CDCP2: variants seen among roughly 807,000 people sequenced by gnomAD.
The protein encoded by CDCP2 is CUB domain-containing protein 2.
Under a neutral mutation model 31.0 loss-of-function variants are expected in CDCP2, and 31 were observed. The observed-to-expected ratio is 1.00, with a 90% CI of 0.75 to 1.35. CDCP2 has a LOEUF of 1.35. Among genes scored for constraint, CDCP2 ranks in the 40% most tolerant of loss-of-function variants. The probability of loss-of-function intolerance (pLI) is 0.00; values close to 1 mark genes in which losing one functional copy is unlikely to be tolerated. For missense variants in CDCP2, 443 were observed against 482.6 expected (o/e 0.92, Z 0.77); for synonymous variants, 206 against 207.9 (o/e 0.99, Z 0.08).
Position 54,146,391 on chromosome 1 carries a change from G to A in CDCP2, c.80-1578C>T, listed in dbSNP as rs12564898. Among the ~76,000 whole-genome samples, 6 of 151,828 alleles carry A rather than the reference G, an allele frequency of 4.0e-5. No homozygotes were observed. In the East Asian group the frequency reaches 1.2e-3, roughly 29 times the overall value. ...GACAGGGTTTCACCATTTTGGGCAG[G>A]CTGGTCTCGAACTCCTGACCTCAAG... is the stretch of plus-strand genomic sequence containing the variant. On this transcript the variant is annotated intron_variant, in intron 1 of 5. Coordinates refer to ENST00000530059, the Ensembl canonical transcript of CDCP2.
At chr1:54,135,981 G>A (rs184433398) in intron 5 of CDCP2, among the ~76,000 whole-genome samples, 25 of 152,260 alleles carry the variant, frequency 1.6e-4, no homozygotes, top group African/African-American at 6.0e-4. Context: ...AAATATCCAG[G>A]GTGCTTGAGC....
rs144493402 is a variant in CDCP2 at position 54,141,223 on chromosome 1, C to T, written c.638G>A (p.Arg213His). 2.5e-4 allele frequency: 396 copies of T among 1,613,180 alleles called. 1 individual carries two copies. The African/African-American group carries it at 4.0e-3, about 16-fold the overall frequency. Residue 213 changes from arginine to histidine, a missense_variant, in exon 3 of 6, where the codon CGT becomes CAT. Transcript: ENST00000530059. ...GGTGCTGCCACAGTAGTGGTGCCCA[C>T]GGGTGGGGCCAGGCCCCCCAAGCAC...
rs183911841 is a variant in CDCP2, at chr1:54,133,624, C to T, written c.1297-330G>A. Among the ~76,000 whole-genome samples, 1,108 of 152,272 alleles carry T rather than the reference C, an allele frequency of 7.3e-3. 12 individuals carry two copies. The highest frequency in any genetic ancestry group is 0.022 in the African/African-American group (895 of 41,538). On this transcript the variant is annotated intron_variant, in intron 5 of 5. Transcript: ENST00000530059. ...ACTAAAACCCCCATGTGGCCGGGTGCGGTGGCTCACGCCTGTAATCCCAGC... is the reference window on the plus strand; with the variant it reads ...ACTAAAACCCCCATGTGGCCGGGTGTGGTGGCTCACGCCTGTAATCCCAGC...
chr1:54,141,308 G>C, exon 3 of CDCP2: 1 of 1,614,250 alleles, frequency 6.2e-7, no homozygotes, highest in South Asian at 1.1e-5. Flanking sequence ...ACGAACACCA[G>C]CTTGACGTGG....
At chr1:54,151,352 T>C (rs1052503946) in intron 1 of CDCP2, among the ~76,000 whole-genome samples, 6 of 152,224 alleles carry the variant, frequency 3.9e-5, no homozygotes, top group African/African-American at 1.4e-4. Flanking sequence ...ATCTAATTCA[T>C]GCCTTTATGG....
chr1:54,133,678 T>A (rs190276452), intron 5 of CDCP2, among the ~76,000 whole-genome samples: 1 of 152,092 alleles, frequency 6.6e-6, no homozygotes, highest in Non-Finnish European at 1.5e-5. Flanking sequence ...GGGCGGATCA[T>A]GAGGTCAGGA....
chr1:54,142,832 C>A (rs1160984448), intron 2 of CDCP2: 2 of 152,302 alleles, frequency 1.3e-5, no homozygotes, highest in South Asian at 4.1e-4. Context: ...CCCAGCAGCC[C>A]CCTGGAGCAC....
intron 5 of CDCP2, among the ~76,000 whole-genome samples, chr1:54,136,069 C>A (rs1157603180): frequency 6.6e-6 from 1 of 152,172 alleles, no homozygotes; most frequent in East Asian, 1.9e-4. Flanking sequence ...GGAAAATGGA[C>A]TTGTAAGGCT....
chr1:54,139,632 A>G (rs1659320879), intron 4 of CDCP2, 121 bp downstream of exon 4: 1 of 1,544,552 alleles, frequency 6.5e-7, no homozygotes, highest in South Asian at 1.1e-5. Flanking sequence ...AAGGAGCTGG[A>G]GAAGACCATT....
At chr1:54,146,485 G>A (rs1305828551) in intron 1 of CDCP2, among the ~76,000 whole-genome samples, 1 of 151,778 alleles carries the variant, frequency 6.6e-6, no homozygotes, top group Admixed American at 6.6e-5. Context: ...CAGCCTGAGA[G>A]ATATAAATTT....
intron 1 of CDCP2, among the ~76,000 whole-genome samples, chr1:54,149,444 A>G (rs2100433302): frequency 6.6e-6 from 1 of 152,236 alleles, no homozygotes; most frequent in Middle Eastern, 3.4e-3. Context: ...GTTGATAATT[A>G]TTGAAGATGA....
At position 54,149,613 on chromosome 1, in the gene CDCP2, C is replaced by T. The variant is rs116178406; in HGVS notation, c.79+3231G>A. Reference sequence around the variant, plus strand: ...TGATTTACACCTGAAAACCTCTCCCCAGCCCATGCTCCTTCTCTCCCTTTA... The same window carrying T: ...TGATTTACACCTGAAAACCTCTCCCTAGCCCATGCTCCTTCTCTCCCTTTA... On this transcript the variant is annotated intron_variant, in intron 1 of 5. Transcript: ENST00000530059. Among the ~76,000 whole-genome samples, 1,404 of 152,336 alleles carry T rather than the reference C, an allele frequency of 9.2e-3. 19 individuals are homozygous for T. The highest frequency in any genetic ancestry group is 0.032 in the African/African-American group (1,347 of 41,548).
At chr1:54,141,331 G>A in exon 3 of CDCP2, 3 of 1,614,108 alleles carry the variant, frequency 1.9e-6, no homozygotes, top group South Asian at 2.2e-5. Context: ...AGGGCCAGCG[G>A]CCCGGATCAC....
rs765883275 is a variant in CDCP2, at chr1:54,140,077, G to A, written c.793C>T (p.Arg265Trp). 214 of 1,613,472 alleles carry A rather than the reference G, an allele frequency of 1.3e-4. 1 individual carries two copies. Among genetic ancestry groups the A allele is most frequent in the South Asian group, 6.0e-4 (55 of 91,084 alleles). Reference sequence around the variant, plus strand: ...TACTGTGGGCTGGAGAAGTTGCCCCGCATGGCCATGTATACCTCCTGGCAT... The same window carrying A: ...TACTGTGGGCTGGAGAAGTTGCCCCACATGGCCATGTATACCTCCTGGCAT... Residue 265 changes from arginine (R) to tryptophan (W), a missense_variant, in exon 4 of 6, where the codon CGG becomes TGG. Coordinates refer to ENST00000530059, the Ensembl canonical transcript of CDCP2.
At chr1:54,141,552 C>A in intron 2 of CDCP2, 119 bp from the exon 3 acceptor site, 1 of 855,884 alleles carries the variant, frequency 1.2e-6, no homozygotes, top group Non-Finnish European at 1.8e-6. Context: ...GGCCTCATTA[C>A]CATCCAGCAA....
In CDCP2 at chr1:54,136,296, C is replaced by A. The variant is rs558853959; in HGVS notation, c.1296+334G>T. Among the ~76,000 whole-genome samples, 24 of 152,286 alleles carry A rather than the reference C, an allele frequency of 1.6e-4. No homozygotes were observed. The South Asian group carries it at 5.0e-3, about 32-fold the overall frequency. On this transcript the variant is annotated intron_variant, in intron 5 of 5. Transcript: ENST00000530059. The stretch of plus-strand genomic sequence containing the variant: ...GAATAACTGCTGGCAGCTCAGCCAG[C>A]AGGGACCCTGTAGCAGGAGTGACCG...
chr1:54,144,453 G>C lies in CDCP2; in HGVS notation c.427+13C>G, dbSNP rs755904653. On this transcript the variant is annotated intron_variant, in intron 2 of 5. Coordinates refer to ENST00000530059, the Ensembl canonical transcript of CDCP2. ...TGAGCCACTGCAACAGGTCCCTAAG[G>C]CCCCCCGTTGACCTTTCTGGTAGCC... is the stretch of plus-strand genomic sequence containing the variant. 156 of 1,554,848 alleles carry C rather than the reference G, an allele frequency of 1.0e-4. No homozygotes were observed. Among genetic ancestry groups the C allele is most frequent in the Non-Finnish European group, 1.2e-4 (143 of 1,148,070 alleles).
chr1:54,134,698 T>C (rs191831577), intron 5 of CDCP2, among the ~76,000 whole-genome samples: 2 of 152,020 alleles, frequency 1.3e-5, no homozygotes, highest in East Asian at 1.9e-4. Context: ...GTGTCACAAA[T>C]CAGGAGGGTT....
chr1:54,138,228 A>T (rs1383570850), intron 4 of CDCP2: 1 of 152,418 alleles, frequency 6.6e-6, no homozygotes, highest in African/African-American at 2.4e-5. Flanking sequence ...AGGAACTTTA[A>T]AGATCTTTCT....
Sources: allele counts gnomAD v4.1 joint callset (sites outside exome capture counted in the v4.1 genomes callset), GRCh38; gene constraint gnomAD v4.1.1; transcripts MANE v1.5; gene names NCBI Gene and HGNC (gene_info 2026-07-23, HGNC 2026-07-21).